Variants in PTCD3 observed in about 807,000 individuals in gnomAD.
PTCD3 encodes the protein pentatricopeptide repeat domain 3.
Under a neutral mutation model 101.9 loss-of-function variants are expected in PTCD3, and 89 were observed. The observed-to-expected ratio is 0.87, with a 90% confidence interval of 0.74 to 1.04. The LOEUF (loss-of-function observed/expected upper bound fraction) is 1.04, where lower values mean the gene tolerates loss of function less well. Among genes scored for constraint, PTCD3 ranks in the 50% least tolerant of loss-of-function variants. The pLI, the probability that PTCD3 is intolerant of heterozygous loss-of-function variation, is 0.00. For missense variants in PTCD3, 870 were observed against 828.2 expected, an observed-to-expected ratio of 1.05 and a Z score of -0.62; for synonymous variants, 296 against 278.5, an observed-to-expected ratio of 1.06 and a Z score of -0.63.
intron 6 of PTCD3, among the ~76,000 whole-genome samples, chr2:86,117,757 T>C (rs1674200939): frequency 6.6e-6 from 1 of 151,986 alleles, no homozygotes; most frequent in Admixed American, 6.6e-5. Context: ...CACTGCTGCT[T>C]GCTCTTGATC....
intron 1 of PTCD3, 139 bp downstream of exon 1, chr2:86,106,490 G>T: frequency 2.7e-6 from 2 of 733,942 alleles, no homozygotes; most frequent in Non-Finnish European, 4.5e-6. Flanking sequence ...TTAAGACCAG[G>T]TACGCGGAGG....
chr2:86,116,652 C>A, intron 5 of PTCD3, 54 bp downstream of exon 5: 1 of 1,310,766 alleles, frequency 7.6e-7, no homozygotes. Context: ...TTGCGTACAA[C>A]AGTACATAAA....
At chr2:86,129,344 T>C (rs1393757827) in intron 14 of PTCD3, among the ~76,000 whole-genome samples, 1 of 152,230 alleles carries the variant, frequency 6.6e-6, no homozygotes, top group Non-Finnish European at 1.5e-5. Flanking sequence ...TGGTTTGTCT[T>C]ATGTATATAA....
At chr2:86,116,972 G>T (rs3764949) in intron 5 of PTCD3, 83 bp from the exon 6 acceptor site, 219,494 of 654,370 alleles carry the variant, frequency 0.34, 40,190 homozygotes, top group East Asian at 0.49. Flanking sequence ...TTTTTGTGAG[G>T]GGGGAGAAAT....
Position 86,137,611 on chromosome 2 carries a change from A to T in PTCD3, c.*52A>T. ...GTCTCACCATAGCTGCTGGAATCACACCTGAGAACTGAGATATACCAATAT... is the reference window on the plus strand; with the variant it reads ...GTCTCACCATAGCTGCTGGAATCACTCCTGAGAACTGAGATATACCAATAT... On this transcript the variant is annotated 3_prime_UTR_variant, in exon 24 of 24. Transcript: ENST00000254630. 2 of 1,610,084 alleles carry T rather than the reference A, an allele frequency of 1.2e-6. No homozygotes were observed. The highest frequency in any genetic ancestry group is 1.7e-6 in the Non-Finnish European group (2 of 1,178,340).
At chr2:86,133,527 A>G in intron 19 of PTCD3, 91 bp downstream of exon 19, 1 of 1,262,992 alleles carries the variant, frequency 7.9e-7, no homozygotes, top group Non-Finnish European at 1.1e-6. Flanking sequence ...TTAGGGATGA[A>G]AACTTCCATT....
intron 15 of PTCD3, 129 bp downstream of exon 15, chr2:86,130,866 T>G: frequency 6.9e-7 from 1 of 1,443,992 alleles, no homozygotes; most frequent in Admixed American, 3.0e-5. Flanking sequence ...TAAATTTGAG[T>G]ACATAGTAGG....
At chr2:86,125,564 A>C (rs747894351) in intron 11 of PTCD3, 49 bp downstream of exon 11, 6 of 1,533,854 alleles carry the variant, frequency 3.9e-6, no homozygotes, top group Non-Finnish European at 4.5e-6. Context: ...CCTTCTTTTA[A>C]TTGTCTGTGT....
At chr2:86,123,850 G>C in intron 9 of PTCD3, 88 bp downstream of exon 9, 1 of 876,164 alleles carries the variant, frequency 1.1e-6, no homozygotes, top group Non-Finnish European at 1.7e-6. Flanking sequence ...GTTTTCTTGT[G>C]ATGTTCTAAA....
chr2:86,121,702 TTGTACTGAGATG>T, intron 8 of PTCD3, 108 bp downstream of exon 8: 1 of 650,254 alleles, frequency 1.5e-6, no homozygotes, highest in South Asian at 2.0e-5. Context: ...TAGTAGAGAT[TTGTACTGAGATG>T]TGTGGTACGA....
intron 4 of PTCD3, among the ~76,000 whole-genome samples, chr2:86,112,807 T>C (rs908436789): frequency 6.6e-6 from 1 of 152,192 alleles, no homozygotes; most frequent in Non-Finnish European, 1.5e-5. Flanking sequence ...AATTAAAGGC[T>C]TAATTTCACG....
intron 14 of PTCD3, among the ~76,000 whole-genome samples, chr2:86,128,375 C>T (rs546906301): frequency 6.6e-6 from 1 of 151,102 alleles, no homozygotes; most frequent in Non-Finnish European, 1.5e-5. Context: ...ATGGATTGTA[C>T]TGGCAGTGAT....
At chr2:86,122,912 C>G (rs960942596) in intron 8 of PTCD3, among the ~76,000 whole-genome samples, 4 of 152,144 alleles carry the variant, frequency 2.6e-5, no homozygotes, top group East Asian at 1.9e-4. Context: ...CTGTATTGCT[C>G]TACGTCAGCC....
Position 86,136,998 on chromosome 2 carries a change from G to A in PTCD3, c.1837G>A (p.Glu613Lys), listed in dbSNP as rs1357018824. The change falls in exon 23 of 24, where the codon GAG becomes AAG. Residue 613 changes from glutamate (E) to lysine (K), a missense_variant. Coordinates refer to ENST00000254630, the MANE Select transcript of PTCD3 (RefSeq NM_017952.6). ...NKIPRSELLN[E>K]LMDSAKVSNS... The stretch of plus-strand genomic sequence containing the variant: ...CTTTTACAGAAGTGAGTTGCTGAAT[G>A]AGCTTATGGACAGTGCAAAAGTGTC... 1 of 1,613,428 alleles carries A rather than the reference G, an allele frequency of 6.2e-7. No homozygotes were observed. The highest frequency in any genetic ancestry group is 8.5e-7 in the Non-Finnish European group (1 of 1,179,948).
chr2:86,125,774 T>TA, intron 11 of PTCD3, 21 bp from the exon 12 acceptor site: 2 of 1,551,366 alleles, frequency 1.3e-6, no homozygotes, highest in Non-Finnish European at 1.8e-6. Flanking sequence ...CCCCAAATTT[T>TA]ATCATTTTAT....
chr2:86,126,229 C>CAAAAAAA (rs71377064), intron 12 of PTCD3, among the ~76,000 whole-genome samples: 1 of 59,110 alleles, frequency 1.7e-5, no homozygotes. Context: ...GACTCCGTCT[C>CAAAAAAA]AAAAAAAAAA....
chr2:86,107,410 A>T (rs140989509), intron 1 of PTCD3, among the ~76,000 whole-genome samples: 46 of 152,338 alleles, frequency 3.0e-4, no homozygotes, highest in African/African-American at 1.0e-3. Context: ...TTTAAATGAT[A>T]CCTGAAACCA....
At chr2:86,114,915 C>G (rs1292576408) in intron 4 of PTCD3, among the ~76,000 whole-genome samples, 1 of 152,230 alleles carries the variant, frequency 6.6e-6, no homozygotes, top group African/African-American at 2.4e-5. Flanking sequence ...CTTAATTCCT[C>G]CATCAGTGAC....
chr2:86,123,197 G>C (rs934488473), intron 8 of PTCD3, among the ~76,000 whole-genome samples: 2 of 151,666 alleles, frequency 1.3e-5, no homozygotes, highest in African/African-American at 4.8e-5. Flanking sequence ...AGGAGGTGGA[G>C]GTTGCAGTGA....
Sources: gnomAD v4.1 joint callset for allele counts (sites outside exome capture counted in the v4.1 genomes callset) on GRCh38, gnomAD v4.1.1 for gene constraint, MANE v1.5 for transcripts, NCBI Gene and HGNC (gene_info 2026-07-23, HGNC 2026-07-21) for gene names.